The following TTLL7 variants were observed in gnomAD, a reference collection of about 807,000 sequenced individuals.
TTLL7 encodes the protein tubulin tyrosine ligase like 7.
In TTLL7, 53 loss-of-function variants were observed where a neutral mutation model predicts 120.2. That is an observed-to-expected ratio of 0.44 (90% CI 0.35 to 0.55). The LOEUF is 0.55. Ranked by LOEUF, TTLL7 falls within the 20% of genes least tolerant of loss-of-function variation. The pLI, the probability that TTLL7 is intolerant of heterozygous loss-of-function variation, is 0.00. For synonymous variants in TTLL7, 353 were observed against 351.7 expected, an observed-to-expected ratio of 1.00 and a Z score of -0.04; for missense variants, 803 against 1,054.7, an observed-to-expected ratio of 0.76 and a Z score of 3.31.
At position 83,867,422 on chromosome 1, in the gene TTLL7, G is replaced by C. The variant is rs140766888; in HGVS notation, c.*2540C>G. ...ATAGGCAAATGAAGGCAATAAAATT[G>C]TAACGCTCAAAATAAGGCCAGACAT... On this transcript the variant is annotated 3_prime_UTR_variant, in exon 21 of 21. Coordinates refer to ENST00000260505, the MANE Select transcript of TTLL7 (RefSeq NM_024686.6). The C allele has an allele frequency of 6.6e-6, 1 of 151,902 alleles. No individual in the cohort carries two copies. Among genetic ancestry groups the C allele is most frequent in the Non-Finnish European group, 1.5e-5 (1 of 67,848 alleles). 9.4% of individuals were successfully genotyped at this position (151,902 alleles called of 1,614,324 possible).
chr1:83,962,832 G>C (rs923948688), intron 1 of TTLL7, among the ~76,000 whole-genome samples: 1 of 152,084 alleles, frequency 6.6e-6, no homozygotes, highest in Admixed American at 6.6e-5. Context: ...TGTGACATTG[G>C]TTGTGCTCCA....
chr1:83,968,109 G>A (rs1171644874), intron 1 of TTLL7, among the ~76,000 whole-genome samples: 2 of 152,032 alleles, frequency 1.3e-5, no homozygotes, highest in Non-Finnish European at 2.9e-5. Flanking sequence ...GGAGGAGACT[G>A]ACTTAATTTG....
intron 1 of TTLL7, among the ~76,000 whole-genome samples, chr1:83,975,278 T>C (rs1272279318): frequency 3.6e-4 from 54 of 152,092 alleles, no homozygotes; most frequent in Admixed American, 3.5e-3. Flanking sequence ...AGCTAATGGG[T>C]CTGGAGTGCA....
chr1:83,908,551 T>A (rs1259432668), intron 15 of TTLL7, among the ~76,000 whole-genome samples: 2 of 151,992 alleles, frequency 1.3e-5, no homozygotes, highest in African/African-American at 4.8e-5. Flanking sequence ...AGAGAAACTA[T>A]AAAATATCTT....
intron 7 of TTLL7, 62 bp downstream of exon 7, chr1:83,942,401 T>C: frequency 7.2e-7 from 1 of 1,390,886 alleles, no homozygotes; most frequent in African/African-American, 1.4e-5. Context: ...GCCTAATGGA[T>C]GCTTTAAAAA....
In TTLL7 at chr1:83,868,799, AT is replaced by A. The variant is rs1653096442; in HGVS notation, c.*1162del. ...TACTTTCCAAATAAAAATGAGTGGT[AT>A]AAGACATAAAAGCCATATAGAAAGA... On this transcript the variant is annotated 3_prime_UTR_variant, in exon 21 of 21. Coordinates refer to ENST00000260505, the MANE Select transcript of TTLL7 (RefSeq NM_024686.6). 6.6e-6 allele frequency: 1 copy of A among 152,152 alleles called. No homozygotes were observed. The highest frequency in any genetic ancestry group is 2.4e-5 in the African/African-American group (1 of 41,432). The allele number at this position is 152,152 out of a possible 1,614,324, so 9.4% of individuals were successfully genotyped here. A position where few individuals can be genotyped will look rare whatever the true frequency, so the allele number is the denominator to read the frequency against.
At chr1:83,978,312 C>A (rs537167754) in intron 1 of TTLL7, among the ~76,000 whole-genome samples, 1 of 152,108 alleles carries the variant, frequency 6.6e-6, no homozygotes, top group Non-Finnish European at 1.5e-5. Flanking sequence ...CTTCCCAATC[C>A]TTTTTAGCTA....
chr1:83,961,932 A>G (rs1273328361), intron 1 of TTLL7, among the ~76,000 whole-genome samples: 2 of 152,084 alleles, frequency 1.3e-5, no homozygotes, highest in South Asian at 2.1e-4. Flanking sequence ...CATATCCCCA[A>G]AACACCCAAC....
chr1:83,957,114 T>C (rs746870718), intron 1 of TTLL7, among the ~76,000 whole-genome samples: 7 of 152,196 alleles, frequency 4.6e-5, no homozygotes, highest in Non-Finnish European at 1.0e-4. Context: ...TTAGCAGATA[T>C]AAATTCTTAG....
chr1:83,915,298 A>G (rs1375798764), intron 14 of TTLL7, among the ~76,000 whole-genome samples: 2 of 152,206 alleles, frequency 1.3e-5, no homozygotes, highest in Admixed American at 1.3e-4. Flanking sequence ...ACAGAGATAT[A>G]GACCAATGGA....
chr1:83,904,991 A>C (rs1657059871), intron 17 of TTLL7, among the ~76,000 whole-genome samples: 2 of 151,990 alleles, frequency 1.3e-5, no homozygotes, highest in Admixed American at 6.6e-5. Flanking sequence ...TCTTTATAGA[A>C]CAATCATGAT....
intron 1 of TTLL7, among the ~76,000 whole-genome samples, chr1:83,963,181 T>C (rs1294545731): frequency 1.3e-5 from 2 of 152,128 alleles, no homozygotes; most frequent in Admixed American, 1.3e-4. Flanking sequence ...GATGCGTACA[T>C]GACTTAGAAC....
intron 16 of TTLL7, 57 bp downstream of exon 16, chr1:83,907,399 C>G: frequency 8.7e-6 from 13 of 1,485,832 alleles, no homozygotes; most frequent in Non-Finnish European, 1.1e-5. Flanking sequence ...CATCTGATCC[C>G]CTTTGCCTGA....
chr1:83,934,651 G>C (rs767256047), intron 8 of TTLL7, among the ~76,000 whole-genome samples: 3 of 152,108 alleles, frequency 2.0e-5, no homozygotes, highest in Non-Finnish European at 4.4e-5. Context: ...TAGGAGAAAA[G>C]CTGTCTCATT....
In TTLL7 at chr1:83,985,647, C is replaced by T. The variant is rs1265254049; in HGVS notation, c.-177+13284G>A. Among the ~76,000 whole-genome samples, 5 of 151,918 alleles carry T rather than the reference C, an allele frequency of 3.3e-5. No homozygotes were observed. The East Asian group carries it at 7.7e-4, about 23-fold the overall frequency. ...GGACGATTGCTTGAGCCCAGGAGTT[C>T]GAGACCAACCTGGGCAACATAGCAA... On this transcript the variant is annotated intron_variant, in intron 1 of 20. Transcript: ENST00000260505.
intron 10 of TTLL7, among the ~76,000 whole-genome samples, chr1:83,926,463 A>C (rs1043173448): frequency 1.3e-5 from 2 of 152,176 alleles, no homozygotes; most frequent in Non-Finnish European, 2.9e-5. Context: ...ATATTGCTAC[A>C]TACATGTCAG....
At chr1:83,975,549 A>G (rs1651389020) in intron 1 of TTLL7, among the ~76,000 whole-genome samples, 1 of 152,034 alleles carries the variant, frequency 6.6e-6, no homozygotes, top group Non-Finnish European at 1.5e-5. Context: ...TATTAGCTCT[A>G]TTTTACAGAT....
intron 18 of TTLL7, among the ~76,000 whole-genome samples, chr1:83,894,832 G>A (rs79084276): frequency 3.9e-5 from 6 of 152,126 alleles, no homozygotes; most frequent in African/African-American, 1.4e-4. Flanking sequence ...CTGGGAACAC[G>A]CATTCCTCTT....
At chr1:83,935,787 C>T (rs1015939956) in intron 8 of TTLL7, among the ~76,000 whole-genome samples, 20 of 152,126 alleles carry the variant, frequency 1.3e-4, no homozygotes, top group Non-Finnish European at 2.2e-4. Context: ...ATTGCTTTCT[C>T]CACCTCGTCC....
Sources: allele counts gnomAD v4.1 joint callset (sites outside exome capture counted in the v4.1 genomes callset), GRCh38; gene constraint gnomAD v4.1.1; transcripts MANE v1.5; gene names NCBI Gene and HGNC (gene_info 2026-07-23, HGNC 2026-07-21).